The following DLG2 variants were observed in gnomAD, a reference collection of about 807,000 sequenced individuals.
The protein encoded by DLG2 is disks large homolog 2.
A neutral mutation model predicts 132.5 loss-of-function variants in DLG2; 45 were observed. That is an observed-to-expected ratio of 0.34 (90% CI 0.27 to 0.44). DLG2 has a LOEUF of 0.44. Among genes scored for constraint, DLG2 ranks in the 20% least tolerant of loss-of-function variants. The pLI is 1.00. For synonymous variants in DLG2, 424 were observed against 419.6 expected (o/e 1.01, Z -0.13); for missense variants, 1,045 against 1,196.9 (o/e 0.87, Z 1.87).
chr11:84,255,679 T>C (rs1015532114), intron 7 of DLG2, among the ~76,000 whole-genome samples: 1 of 152,166 alleles, frequency 6.6e-6, no homozygotes, highest in African/African-American at 2.4e-5. Context: ...TAAATCAAAC[T>C]GGTGACTCAG....
At chr11:83,598,501 C>T (rs1277509202) in intron 19 of DLG2, among the ~76,000 whole-genome samples, 2 of 152,184 alleles carry the variant, frequency 1.3e-5, no homozygotes, top group Non-Finnish European at 2.9e-5. Context: ...ATACTGCTGG[C>T]CGTGTGATCT....
chr11:84,561,039 A>G (rs1397837603), intron 6 of DLG2, among the ~76,000 whole-genome samples: 3 of 152,108 alleles, frequency 2.0e-5, no homozygotes, highest in African/African-American at 4.8e-5. Context: ...TGTTAAATGC[A>G]TAAGTGACTA....
chr11:84,027,008 A>G (rs988244050), intron 11 of DLG2, among the ~76,000 whole-genome samples: 2 of 151,886 alleles, frequency 1.3e-5, no homozygotes, highest in Non-Finnish European at 2.9e-5. Context: ...ATTACTCTTC[A>G]AATCAAGTGT....
chr11:84,109,270 A>G (rs1024679062), intron 9 of DLG2, among the ~76,000 whole-genome samples: 1 of 152,174 alleles, frequency 6.6e-6, no homozygotes, highest in Non-Finnish European at 1.5e-5. Context: ...AAGCAAAGTT[A>G]TCTACTTTGG....
intron 18 of DLG2, among the ~76,000 whole-genome samples, chr11:83,736,563 T>G (rs1333635632): frequency 6.6e-6 from 1 of 152,200 alleles, no homozygotes; most frequent in Non-Finnish European, 1.5e-5. Context: ...AAGTCCTATT[T>G]TTCTCTGCTG....
intron 8 of DLG2, among the ~76,000 whole-genome samples, chr11:84,226,449 A>G (rs1322948365): frequency 1.3e-5 from 2 of 152,216 alleles, no homozygotes; most frequent in African/African-American, 4.8e-5. Flanking sequence ...ATCCTAATTC[A>G]GGGATCAAAA....
chr11:84,532,210 C>T (rs2099344552), intron 7 of DLG2, among the ~76,000 whole-genome samples: 1 of 144,516 alleles, frequency 6.9e-6, no homozygotes, highest in Non-Finnish European at 1.5e-5. Flanking sequence ...TCTCCCTATT[C>T]CATTTTTGAA....
intron 6 of DLG2, among the ~76,000 whole-genome samples, chr11:85,087,917 C>T (rs1052302732): frequency 6.8e-6 from 1 of 147,134 alleles, no homozygotes; most frequent in East Asian, 2.0e-4. Context: ...ATTTAAAATG[C>T]ATTCTTAGTA....
chr11:83,878,438 T>C (rs1427999768), intron 15 of DLG2, among the ~76,000 whole-genome samples: 2 of 152,146 alleles, frequency 1.3e-5, no homozygotes, highest in African/African-American at 4.8e-5. Flanking sequence ...AGACAAACCA[T>C]ATTGTTTTAT....
intron 8 of DLG2, among the ~76,000 whole-genome samples, chr11:84,167,446 A>G (rs942681848): frequency 1.3e-5 from 2 of 152,124 alleles, no homozygotes; most frequent in African/African-American, 2.4e-5. Flanking sequence ...TTCTACTTCA[A>G]TGATATAGTA....
At chr11:85,301,035 T>C (rs2079553987) in intron 3 of DLG2, among the ~76,000 whole-genome samples, 1 of 152,046 alleles carries the variant, frequency 6.6e-6, no homozygotes, top group South Asian at 2.1e-4. Context: ...ACCTCATCTC[T>C]ACTAAAAATA....
chr11:83,654,426 GTTTTA>G (rs1388258148), intron 18 of DLG2, among the ~76,000 whole-genome samples: 1 of 152,070 alleles, frequency 6.6e-6, no homozygotes, highest in African/African-American at 2.4e-5. Flanking sequence ...AGTCCTTTTA[GTTTTA>G]TTTTTTCTTC....
At chr11:85,262,880 G>T (rs2077016807) in intron 4 of DLG2, among the ~76,000 whole-genome samples, 1 of 152,154 alleles carries the variant, frequency 6.6e-6, no homozygotes, top group Non-Finnish European at 1.5e-5. Context: ...GAACAGCCAT[G>T]CTATGTTACA....
intron 6 of DLG2, among the ~76,000 whole-genome samples, chr11:84,673,067 A>G (rs943185603): frequency 2.0e-5 from 3 of 151,582 alleles, no homozygotes; most frequent in Non-Finnish European, 4.4e-5. Context: ...GGGGAAATTG[A>G]CCCCCATGAC....
chr11:85,171,388 G>T (rs2078863990), intron 4 of DLG2, among the ~76,000 whole-genome samples: 1 of 152,108 alleles, frequency 6.6e-6, no homozygotes, highest in Non-Finnish European at 1.5e-5. Context: ...TTTCCCCATG[G>T]ATCTTTGCAA....
chr11:83,482,373 A>G (rs1350163112), intron 22 of DLG2, among the ~76,000 whole-genome samples: 1 of 152,136 alleles, frequency 6.6e-6, no homozygotes, highest in East Asian at 1.9e-4. Flanking sequence ...ACAGTTGCAA[A>G]AGACACAAAA....
intron 7 of DLG2, among the ~76,000 whole-genome samples, chr11:84,448,424 G>A (rs2099041904): frequency 6.6e-6 from 1 of 151,866 alleles, no homozygotes; most frequent in South Asian, 2.1e-4. Context: ...CTTAAATCCG[G>A]TGGCCATTTT....
At chr11:83,706,028 C>A (rs1014644387) in intron 18 of DLG2, among the ~76,000 whole-genome samples, 2 of 152,068 alleles carry the variant, frequency 1.3e-5, no homozygotes, top group African/African-American at 4.8e-5. Flanking sequence ...ACCATCCTGG[C>A]CAACATGGTG....
intron 19 of DLG2, among the ~76,000 whole-genome samples, chr11:83,611,146 A>G (rs2060054764): frequency 6.6e-6 from 1 of 152,224 alleles, no homozygotes; most frequent in Non-Finnish European, 1.5e-5. Flanking sequence ...GCTGGAGTGA[A>G]TCACAGTTTT....
Sources: gnomAD v4.1 joint callset for allele counts (sites outside exome capture counted in the v4.1 genomes callset) on GRCh38, gnomAD v4.1.1 for gene constraint, MANE v1.5 for transcripts, NCBI Gene and HGNC (gene_info 2026-07-23, HGNC 2026-07-21) for gene names.